Variants in MYPN observed in about 807,000 individuals in gnomAD.
MYPN encodes sarcomeric protein myopalladin, 145 kDa (MYOP).
In MYPN, 63 loss-of-function variants were observed where a neutral mutation model predicts 129.4. The ratio of observed to expected loss-of-function variants is 0.49; its 90% CI spans 0.40 to 0.60. The LOEUF (loss-of-function observed/expected upper bound fraction) is 0.60. Among genes scored for constraint, MYPN ranks in the 20% least tolerant of loss-of-function variants. The pLI, the probability that MYPN is intolerant of heterozygous loss-of-function variation, is 0.00. For synonymous variants in MYPN, 629 were observed against 600.9 expected (o/e 1.05, Z -0.68); for missense variants, 1,596 against 1,635.4 (o/e 0.98, Z 0.42).
intron 7 of MYPN, among the ~76,000 whole-genome samples, chr10:68,159,173 A>C (rs1353561739): frequency 6.6e-6 from 1 of 152,224 alleles, no homozygotes; most frequent in African/African-American, 2.4e-5. Context: ...ATGGTCACAC[A>C]ATTAATCAGC....
chr10:68,162,684 G>A (rs992909360), intron 8 of MYPN, among the ~76,000 whole-genome samples: 2 of 152,176 alleles, frequency 1.3e-5, no homozygotes, highest in Non-Finnish European at 2.9e-5. Context: ...GGCCGGGCAT[G>A]GTGGTTCACG....
At chr10:68,101,601 A>AT (rs2041982296), upstream of MYPN, among the ~76,000 whole-genome samples, 1 of 151,716 alleles carries the variant, frequency 6.6e-6, no homozygotes, top group African/African-American at 2.4e-5. Flanking sequence ...CATTCCTTTC[A>AT]TTTTTAACAT....
chr10:68,131,370 C>A (rs1286594041), intron 2 of MYPN, among the ~76,000 whole-genome samples: 3 of 148,700 alleles, frequency 2.0e-5, no homozygotes, highest in Non-Finnish European at 4.4e-5. Context: ...GCCTGGGCAA[C>A]AGATCGAGAC....
At chr10:68,179,528 G>A (rs1448065938) in intron 12 of MYPN, among the ~76,000 whole-genome samples, 1 of 152,162 alleles carries the variant, frequency 6.6e-6, no homozygotes, top group Non-Finnish European at 1.5e-5. Context: ...TGTTAACCAA[G>A]TAGAAAAGTT....
At chr10:68,113,035 C>G (rs1244246395) in intron 1 of MYPN, among the ~76,000 whole-genome samples, 1 of 152,140 alleles carries the variant, frequency 6.6e-6, no homozygotes, top group Non-Finnish European at 1.5e-5. Flanking sequence ...AAGGCAAAAC[C>G]AACAGGTCAA....
At chr10:68,139,584 T>C (rs932579347) in intron 2 of MYPN, among the ~76,000 whole-genome samples, 8 of 152,228 alleles carry the variant, frequency 5.3e-5, no homozygotes, top group African/African-American at 1.9e-4. Context: ...AATTTGGAAC[T>C]GCACACGCTC....
In MYPN at chr10:68,121,445, G is replaced by C; in HGVS notation, c.7G>C (p.Asp3His). 1 of 1,609,844 alleles carries C rather than the reference G, an allele frequency of 6.2e-7. No homozygotes were observed. Among genetic ancestry groups the C allele is most frequent in the South Asian group, 1.1e-5 (1 of 90,426 alleles). Residue 3 changes from aspartate to histidine, a missense_variant, in exon 2 of 20, where the codon GAC becomes CAC. Asp to His is a moderately conservative substitution (Grantham distance 81). Transcript: ENST00000358913. MQ[D>H]DSIEASTSIS... Reference sequence around the variant, plus strand: ...ATTATTATTTTGTGACAGCATGCAAGACGACAGCATAGAAGCTTCTACTTC... The same window carrying C: ...ATTATTATTTTGTGACAGCATGCAACACGACAGCATAGAAGCTTCTACTTC...
intron 9 of MYPN, among the ~76,000 whole-genome samples, 195 bp from the exon 10 acceptor site, chr10:68,166,098 TA>T (rs2043048804): frequency 6.6e-6 from 1 of 152,240 alleles, no homozygotes; most frequent in African/African-American, 2.4e-5. Flanking sequence ...ACTTAGATTT[TA>T]AATTTAGTTT....
intron 2 of MYPN, among the ~76,000 whole-genome samples, chr10:68,125,111 C>G (rs1235374498): frequency 6.6e-6 from 1 of 152,132 alleles, no homozygotes; most frequent in Non-Finnish European, 1.5e-5. Flanking sequence ...ATCTCAGATA[C>G]AAGAATGAAT....
At chr10:68,197,239 CT>C in intron 15 of MYPN, 112 bp from the exon 16 acceptor site, 2 of 1,154,272 alleles carry the variant, frequency 1.7e-6, no homozygotes, top group Non-Finnish European at 2.4e-6. Context: ...CCCTTTCCCC[CT>C]TCAAAAAAAA....
At chr10:68,149,098 T>C (rs988859341) in intron 5 of MYPN, among the ~76,000 whole-genome samples, 1 of 152,088 alleles carries the variant, frequency 6.6e-6, no homozygotes, top group Non-Finnish European at 1.5e-5. Context: ...CATGGTGCCA[T>C]GCACCTATGG....
At chr10:68,182,334 CACACACATATATA>C (rs2043334605) in intron 12 of MYPN, among the ~76,000 whole-genome samples, 3 of 29,140 alleles carry the variant, frequency 1.0e-4, no homozygotes, top group Non-Finnish European at 1.8e-4. Flanking sequence ...ATATATATAA[CACACACATATATA>C]ACATATATAT....
chr10:68,135,045 G>A (rs1345076732), intron 2 of MYPN, among the ~76,000 whole-genome samples: 1 of 151,934 alleles, frequency 6.6e-6, no homozygotes, highest in Non-Finnish European at 1.5e-5. Context: ...TTTGTCTCCT[G>A]GGTTCAAGCG....
intron 2 of MYPN, among the ~76,000 whole-genome samples, chr10:68,139,953 T>A (rs2042549187): frequency 6.6e-6 from 1 of 152,110 alleles, no homozygotes; most frequent in African/African-American, 2.4e-5. Flanking sequence ...TATAAGACAA[T>A]TTCAGATAGT....
chr10:68,189,811 T>C (rs2043482886), intron 13 of MYPN, among the ~76,000 whole-genome samples: 1 of 152,230 alleles, frequency 6.6e-6, no homozygotes, highest in South Asian at 2.1e-4. Context: ...CTATCATGAA[T>C]AGTGCTGCAG....
rs571731917 is a variant in MYPN, at chr10:68,097,553, G to GTTC, written c.-2+9563_-2+9565dup. 6.6e-5 allele frequency among the ~76,000 whole-genome samples: 10 copies of GTTC among 152,250 alleles called. No individual in the cohort carries two copies. The East Asian group carries it at 1.7e-3, about 26-fold the overall frequency. On this transcript the variant is annotated intron_variant, in intron 1 of 6. Coordinates refer to the MYPN transcript ENST00000685154. ...GACCACTTGCTAGGAGCCAGGCATT[G>GTTC]TTCTAAAAGTATTAACTCACTTAAG...
chr10:68,201,896 C>CT lies in MYPN; in HGVS notation c.3561_3562insT (p.Pro1188SerfsTer23). On this transcript the variant is annotated frameshift_variant, in exon 18 of 20. Coordinates refer to ENST00000358913, the MANE Select transcript of MYPN (RefSeq NM_032578.4). LOFTEE classifies it high-confidence loss of function. ...AGAACTGCGGTGTTCCCGAAGGCCA[C>CT]CCCGTGAGACTGGAGTGCCGCGTGA... The CT allele has an allele frequency of 6.2e-7, 1 of 1,614,150 alleles. No homozygotes were observed. The highest frequency in any genetic ancestry group is 8.5e-7 in the Non-Finnish European group (1 of 1,180,028).
At position 68,174,238 on chromosome 10, in the gene MYPN, C is replaced by T; in HGVS notation, c.2146C>T (p.Gln716Ter). Residue 716 changes from glutamine (Q) to a stop codon, truncating the protein, a stop_gained, in exon 11 of 20, where the codon CAG (glutamine) becomes TAG (stop). Transcript: ENST00000358913. LOFTEE classifies it high-confidence loss of function. ...TAAGCAGGTGAAGGCTCCTTCATCA[C>T]AGACGTTCAGCTTGGCCCGGCCGAA... ...SSKQVKAPSS[Q>*]TFSLARPKYF... The T allele has an allele frequency of 6.2e-7, 1 of 1,614,192 alleles. No homozygotes were observed. The highest frequency in any genetic ancestry group is 8.5e-7 in the Non-Finnish European group (1 of 1,180,024).
rs563812564 is a variant in MYPN at position 68,167,260 on chromosome 10, A to C, written c.1973+594A>C. Among the ~76,000 whole-genome samples the C allele has an allele frequency of 2.7e-3, 406 of 152,322 alleles. 1 individual carries two copies. The highest frequency in any genetic ancestry group is 9.5e-3 in the African/African-American group (394 of 41,572). Reference sequence around the variant, plus strand: ...GGTAAAGTACTTCTGTGCTTCTCTCATAAAGACTTTTTTTGTGTCTAATCG... The same window carrying C: ...GGTAAAGTACTTCTGTGCTTCTCTCCTAAAGACTTTTTTTGTGTCTAATCG... On this transcript the variant is annotated intron_variant, in intron 10 of 19. Coordinates refer to ENST00000358913, the MANE Select transcript of MYPN (RefSeq NM_032578.4).
Sources: allele counts gnomAD v4.1 joint callset (sites outside exome capture counted in the v4.1 genomes callset), GRCh38; gene constraint gnomAD v4.1.1; transcripts MANE v1.5; gene names NCBI Gene and HGNC (gene_info 2026-07-23, HGNC 2026-07-21).